Variants in DUSP22 observed in about 807,000 individuals in gnomAD.
DUSP22 encodes the protein dual specificity phosphatase 22.
DUSP22 carries 24 observed loss-of-function variants against 24.5 expected under a neutral mutation model. The ratio of observed to expected loss-of-function variants is 0.98; its 90% CI spans 0.71 to 1.38. The LOEUF (loss-of-function observed/expected upper bound fraction) is 1.38, where lower values mean the gene tolerates loss of function less well. Ranked by LOEUF, DUSP22 falls within the 40% of genes most tolerant of loss-of-function variation. The pLI, the probability that DUSP22 is intolerant of heterozygous loss-of-function variation, is 0.00. For synonymous variants in DUSP22, 160 were observed against 106.4 expected (o/e 1.50, Z -3.10); for missense variants, 330 against 269.2 (o/e 1.23, Z -1.58).
chr6:331,088 G>A (rs1158381931), intron 3 of DUSP22, among the ~76,000 whole-genome samples: 1 of 152,302 alleles, frequency 6.6e-6, no homozygotes, highest in Non-Finnish European at 1.5e-5. Flanking sequence ...CGGTCTTGAA[G>A]CAAACACAGA....
Position 350,399 on chromosome 6 carries a change from A to T in DUSP22, c.*1448A>T. 9.1e-7 allele frequency: 1 copy of T among 1,096,428 alleles called. No homozygotes were observed. The highest frequency in any genetic ancestry group is 1.1e-6 in the Non-Finnish European group (1 of 897,768). 67.9% of individuals were successfully genotyped at this position (1,096,428 alleles called of 1,614,324 possible). A position where few individuals can be genotyped will look rare whatever the true frequency, so the allele number is the denominator to read the frequency against. ...TAAGCATGCAGAGTCACTCGAATGA[A>T]AAAACATACTCGACCTCTCCCTAAA... is the stretch of plus-strand genomic sequence containing the variant. On this transcript the variant is annotated 3_prime_UTR_variant, in exon 7 of 7. Coordinates refer to ENST00000419235, the MANE Select transcript of DUSP22 (RefSeq NM_001286555.3).
chr6:342,733 G>A (rs1005749516), intron 4 of DUSP22, among the ~76,000 whole-genome samples: 1 of 152,074 alleles, frequency 6.6e-6, no homozygotes, highest in Non-Finnish European at 1.5e-5. Context: ...TCCATGGCCG[G>A]AGGTCAGGGG....
chr6:300,376 C>T (rs964665966), intron 1 of DUSP22, among the ~76,000 whole-genome samples: 7 of 152,284 alleles, frequency 4.6e-5, no homozygotes, highest in African/African-American at 1.4e-4. Context: ...CTGAAAGCTA[C>T]ACGGAGCCCT....
chr6:333,926 T>C (rs916087821), intron 3 of DUSP22, among the ~76,000 whole-genome samples: 2 of 152,300 alleles, frequency 1.3e-5, no homozygotes, highest in East Asian at 1.9e-4. Flanking sequence ...GGACTCACAA[T>C]GTCAGGGGCT....
At chr6:304,210 G>T (rs1397203315) in intron 1 of DUSP22, among the ~76,000 whole-genome samples, 1 of 152,312 alleles carries the variant, frequency 6.6e-6, no homozygotes, top group East Asian at 1.9e-4. Context: ...TGGACTTGGG[G>T]CTCAGGACTG....
chr6:298,290 T>C (rs1365448967), intron 1 of DUSP22, among the ~76,000 whole-genome samples: 1 of 152,310 alleles, frequency 6.6e-6, no homozygotes, highest in Non-Finnish European at 1.5e-5. Context: ...CTGTGACATT[T>C]AACCCTTCAA....
intron 2 of DUSP22, among the ~76,000 whole-genome samples, chr6:310,373 G>T (rs1758022974): frequency 6.6e-6 from 1 of 152,296 alleles, no homozygotes; most frequent in African/African-American, 2.4e-5. Flanking sequence ...CCCCTGTTTT[G>T]TAGATTAGTA....
chr6:309,842 A>G (rs1280609883), intron 2 of DUSP22, among the ~76,000 whole-genome samples: 1 of 152,298 alleles, frequency 6.6e-6, no homozygotes, highest in Non-Finnish European at 1.5e-5. Flanking sequence ...GGTTTGTGTC[A>G]TATTTATGGT....
chr6:334,835 A>G (rs1759291442), intron 3 of DUSP22, among the ~76,000 whole-genome samples: 1 of 152,302 alleles, frequency 6.6e-6, no homozygotes, highest in South Asian at 2.1e-4. Flanking sequence ...CTTACTGAAA[A>G]GTACTCAACT....
At chr6:314,566 G>A (rs1017019023) in intron 3 of DUSP22, among the ~76,000 whole-genome samples, 3 of 152,310 alleles carry the variant, frequency 2.0e-5, no homozygotes, top group Admixed American at 6.5e-5. Flanking sequence ...GACTAAGTGA[G>A]AGAGGGTATT....
intron 1 of DUSP22, among the ~76,000 whole-genome samples, chr6:302,890 C>T (rs536111465): frequency 2.9e-4 from 44 of 152,392 alleles, no homozygotes; most frequent in Non-Finnish European, 5.1e-4. Context: ...TGGAATACCA[C>T]TCAGGGGAAC....
chr6:334,488 T>G (rs1299819913), intron 3 of DUSP22, among the ~76,000 whole-genome samples: 2 of 152,310 alleles, frequency 1.3e-5, no homozygotes, highest in African/African-American at 2.4e-5. Flanking sequence ...TAGAGGAGTA[T>G]ATGAAGTTTA....
At chr6:335,037 A>G in intron 3 of DUSP22, 77 bp from the exon 4 acceptor site, 2 of 1,518,910 alleles carry the variant, frequency 1.3e-6, no homozygotes, top group Non-Finnish European at 1.8e-6. Context: ...TGACCTGTGT[A>G]AATAGTTCCT....
At chr6:327,344 G>A (rs1465394781) in intron 3 of DUSP22, among the ~76,000 whole-genome samples, 2 of 152,312 alleles carry the variant, frequency 1.3e-5, no homozygotes, top group Non-Finnish European at 2.9e-5. Flanking sequence ...AGTGAAGGTG[G>A]AGGCCGGCCC....
rs935623217 is a variant in DUSP22, at chr6:350,924, A to C, written c.*1973A>C. On this transcript the variant is annotated 3_prime_UTR_variant, in exon 7 of 7. Transcript: ENST00000419235. ...CCACAGAGTTTAGGCTGGTGCTGCC[A>C]AAAAGAAAAGCAACATAGAGTTTAA... 6.2e-7 allele frequency: 1 copy of C among 1,608,278 alleles called. No homozygotes were observed. The highest frequency in any genetic ancestry group is 1.3e-5 in the African/African-American group (1 of 74,776).
At chr6:341,837 G>A (rs1759622569) in intron 4 of DUSP22, among the ~76,000 whole-genome samples, 1 of 152,424 alleles carries the variant, frequency 6.6e-6, no homozygotes, top group South Asian at 2.1e-4. Context: ...AACCTCCTCA[G>A]CTCCTTCACA....
chr6:345,423 T>C (rs1759816962), intron 4 of DUSP22, among the ~76,000 whole-genome samples: 1 of 152,302 alleles, frequency 6.6e-6, no homozygotes, highest in South Asian at 2.1e-4. Context: ...TTGGCCAGGC[T>C]GGTCTCGAGC....
intron 3 of DUSP22, among the ~76,000 whole-genome samples, chr6:323,540 G>T (rs1179830740): frequency 6.6e-6 from 1 of 152,302 alleles, no homozygotes; most frequent in Non-Finnish European, 1.5e-5. Context: ...CGGCTAGTGG[G>T]GGTTAATCCA....
chr6:317,000 G>T (rs931056074), intron 3 of DUSP22, among the ~76,000 whole-genome samples: 2 of 152,310 alleles, frequency 1.3e-5, no homozygotes, highest in African/African-American at 4.8e-5. Flanking sequence ...AAAAGAATGG[G>T]ATGTTTTCAT....
Sources: allele counts gnomAD v4.1 joint callset (sites outside exome capture counted in the v4.1 genomes callset), GRCh38; gene constraint gnomAD v4.1.1; transcripts MANE v1.5; gene names NCBI Gene and HGNC (gene_info 2026-07-23, HGNC 2026-07-21).